Variants in TMEM14A observed in about 807,000 individuals in gnomAD.
TMEM14A encodes transmembrane protein 14A.
In TMEM14A, 8 loss-of-function variants were observed where a neutral mutation model predicts 11.6. That is an observed-to-expected ratio of 0.69 (90% CI 0.40 to 1.24). TMEM14A has a LOEUF of 1.24. Among genes scored for constraint, TMEM14A ranks in the 50% most tolerant of loss-of-function variants. The pLI is 0.01. For synonymous variants in TMEM14A, 34 were observed against 45.5 expected, an observed-to-expected ratio of 0.75 and a Z score of 1.02; for missense variants, 108 against 121.9, an observed-to-expected ratio of 0.89 and a Z score of 0.54.
chr6:52,680,706 C>CATATATGTATATATATATATATAT (rs1397954310), intron 2 of TMEM14A, among the ~76,000 whole-genome samples: 68 of 24,416 alleles, frequency 2.8e-3, no homozygotes, highest in South Asian at 6.5e-3. Flanking sequence ...TATATATATA[C>CATATATGTATATATATATATATAT]ACATATATAT....
chr6:52,680,625 GTA>G (rs777689582), intron 2 of TMEM14A, among the ~76,000 whole-genome samples: 3,849 of 55,700 alleles, frequency 0.069, 355 homozygotes, highest in East Asian at 0.21. Context: ...ATATATATGT[GTA>G]TATATATATG....
At chr6:52,678,361 G>A (rs1328619940) in intron 2 of TMEM14A, among the ~76,000 whole-genome samples, 1 of 138,206 alleles carries the variant, frequency 7.2e-6, no homozygotes, top group Non-Finnish European at 1.6e-5. Flanking sequence ...GTGTGTGTGT[G>A]TGTGTGTGTG....
rs1769451111 is a variant in TMEM14A, at chr6:52,684,234, A to T, written c.260+69A>T. 2.9e-6 allele frequency: 4 copies of T among 1,381,938 alleles called. No individual in the cohort carries two copies. In the Admixed American group the frequency reaches 8.7e-5, roughly 30 times the overall value. The allele number at this position is 1,381,938 out of a possible 1,614,324, so 85.6% of individuals were successfully genotyped here. A position where few individuals can be genotyped will look rare whatever the true frequency, so the allele number is the denominator to read the frequency against. ...TTGAAGTGCTGAATTTTTGGGAAAC[A>T]TCAATTTTAATTTGAAAGATCAAAG... On this transcript the variant is annotated intron_variant, in intron 4 of 4. Transcript: ENST00000211314.
At chr6:52,681,331 G>T (rs1769388493) in intron 2 of TMEM14A, among the ~76,000 whole-genome samples, 1 of 152,132 alleles carries the variant, frequency 6.6e-6, no homozygotes, top group Non-Finnish European at 1.5e-5. Context: ...ATGAAGGTTT[G>T]TTAATTATTC....
rs556607314 is a variant in TMEM14A at position 52,685,385 on chromosome 6, G to A, written c.261-625G>A. Among the ~76,000 whole-genome samples, 9 of 152,218 alleles carry A rather than the reference G, an allele frequency of 5.9e-5. No individual in the cohort carries two copies. The East Asian group carries it at 1.7e-3, about 29-fold the overall frequency. On this transcript the variant is annotated intron_variant, in intron 4 of 4. Transcript: ENST00000211314. The stretch of plus-strand genomic sequence containing the variant: ...TTGGCGGGTGGATCACTTGAGGTCA[G>A]GAGTTCAAGACCAGCCTAGCCAACA...
At chr6:52,677,351 A>G (rs1769277165) in intron 2 of TMEM14A, among the ~76,000 whole-genome samples, 179 bp downstream of exon 2, 1 of 152,206 alleles carries the variant, frequency 6.6e-6, no homozygotes, top group African/African-American at 2.4e-5. Context: ...TGAGCATGAC[A>G]GAGTGTTCCA....
At position 52,677,180 on chromosome 6, in the gene TMEM14A, T is replaced by C. The variant is rs763412633; in HGVS notation, c.70+8T>C. 6.2e-6 allele frequency: 10 copies of C among 1,614,100 alleles called. No homozygotes were observed. Among genetic ancestry groups the C allele is most frequent in the Middle Eastern group, 1.6e-4 (1 of 6,062 alleles). ...TTGGATATAAGCGGAGAGGTAAGCC[T>C]AACCCAAATTTTCATGAAAGGGAAT... On this transcript the variant is annotated splice_region_variant and intron_variant, in intron 2 of 4. Coordinates refer to ENST00000211314, the MANE Select transcript of TMEM14A (RefSeq NM_014051.4).
intron 2 of TMEM14A, among the ~76,000 whole-genome samples, chr6:52,679,804 A>C (rs1051260798): frequency 2.7e-5 from 4 of 149,884 alleles, no homozygotes; most frequent in African/African-American, 9.9e-5. Flanking sequence ...GTCTGATCTC[A>C]TCAAGACTGA....
chr6:52,676,410 A>G (rs1471734895), intron 1 of TMEM14A, among the ~76,000 whole-genome samples: 1 of 151,988 alleles, frequency 6.6e-6, no homozygotes, highest in Non-Finnish European at 1.5e-5. Context: ...ATGCCATCAC[A>G]CCCAGCTAAT....
In TMEM14A at chr6:52,672,760, C is replaced by T. The variant is rs527478669; in HGVS notation, c.-17+1515C>T. The stretch of plus-strand genomic sequence containing the variant: ...TCCACCTTCTCTCCATTCTCATTGC[C>T]ATTTCTCTAGATAAGCCTACCGTTA... On this transcript the variant is annotated intron_variant, in intron 1 of 4. Coordinates refer to ENST00000211314, the MANE Select transcript of TMEM14A (RefSeq NM_014051.4). Among the ~76,000 whole-genome samples, 63 of 152,290 alleles carry T rather than the reference C, an allele frequency of 4.1e-4. 1 individual carries two copies. The highest frequency in any genetic ancestry group is 3.5e-4 in the Non-Finnish European group (24 of 68,024).
chr6:52,680,585 T>TTTTA lies in TMEM14A; in HGVS notation c.71-1227_71-1226insTTAT, dbSNP rs1387950814. Among the ~76,000 whole-genome samples, 11 of 33,252 alleles carry TTTTA rather than the reference T, an allele frequency of 3.3e-4. No homozygotes were observed. In the South Asian group the frequency reaches 0.013, roughly 40 times the overall value. The allele number at this position is 33,252 out of a possible 152,430, so 21.8% of individuals were successfully genotyped here. A position where few individuals can be genotyped will look rare whatever the true frequency, so the allele number is the denominator to read the frequency against. On this transcript the variant is annotated intron_variant, in intron 2 of 4. Coordinates refer to ENST00000211314, the MANE Select transcript of TMEM14A (RefSeq NM_014051.4). ...TGTAACATTCTAAGCCACTATATATTTATATATTTATATATATATATATAT... is the reference window on the plus strand; with the variant it reads ...TGTAACATTCTAAGCCACTATATATTTTTATATATATTTATATATATATATATAT...
Position 52,681,922 on chromosome 6 carries a change from A to G in TMEM14A, c.172+8A>G. 6.2e-7 allele frequency: 1 copy of G among 1,611,976 alleles called. No homozygotes were observed. On this transcript the variant is annotated splice_region_variant and intron_variant, in intron 3 of 4. Coordinates refer to ENST00000211314, the MANE Select transcript of TMEM14A (RefSeq NM_014051.4). ...ATGTAAAAGTGTCACTGTGTAAGTA[A>G]GGCATTTTTCCTGGTTACAGAGACT...
At chr6:52,673,708 T>G (rs897556745) in intron 1 of TMEM14A, among the ~76,000 whole-genome samples, 1 of 152,212 alleles carries the variant, frequency 6.6e-6, no homozygotes, top group African/African-American at 2.4e-5. Context: ...TGTGTTGTAC[T>G]ATAGTTCCTG....
chr6:52,684,015 GT>G (rs1440586231), intron 3 of TMEM14A, 62 bp from the exon 4 acceptor site: 1 of 1,488,940 alleles, frequency 6.7e-7, no homozygotes, highest in African/African-American at 1.4e-5. Flanking sequence ...GGTACCCGCT[GT>G]TTTCCCACAA....
chr6:52,683,196 A>G (rs1769423427), intron 3 of TMEM14A, among the ~76,000 whole-genome samples: 1 of 152,186 alleles, frequency 6.6e-6, no homozygotes, highest in Non-Finnish European at 1.5e-5. Context: ...ATGGTGGCTC[A>G]TGCCTGTAAT....
chr6:52,679,685 G>C (rs1769328883), intron 2 of TMEM14A, among the ~76,000 whole-genome samples: 1 of 152,132 alleles, frequency 6.6e-6, no homozygotes, highest in South Asian at 2.1e-4. Context: ...CACCAGCGTG[G>C]TTTTCTTGTA....
intron 3 of TMEM14A, among the ~76,000 whole-genome samples, chr6:52,683,483 C>CAAAAAA (rs71799754): frequency 5.3e-5 from 7 of 130,932 alleles, no homozygotes; most frequent in East Asian, 2.2e-4. Flanking sequence ...ACAACAACAA[C>CAAAAAA]AAAAAAAAAA....
intron 1 of TMEM14A, among the ~76,000 whole-genome samples, chr6:52,673,906 C>G (rs577405046): frequency 6.2e-4 from 95 of 152,302 alleles, no homozygotes; most frequent in African/African-American, 2.3e-3. Flanking sequence ...TAGTAATAGC[C>G]TTACACATGT....
At chr6:52,683,479 AC>A (rs796298198) in intron 3 of TMEM14A, among the ~76,000 whole-genome samples, 12 of 111,210 alleles carry the variant, frequency 1.1e-4, no homozygotes, top group African/African-American at 3.4e-4. Context: ...AACAACAACA[AC>A]AACAAAAAAA....
Sources: allele counts gnomAD v4.1 joint callset (sites outside exome capture counted in the v4.1 genomes callset), GRCh38; gene constraint gnomAD v4.1.1; transcripts MANE v1.5; gene names NCBI Gene and HGNC (gene_info 2026-07-23, HGNC 2026-07-21).